The following TFEC variants were observed in gnomAD, a reference collection of about 807,000 sequenced individuals.
The protein encoded by TFEC is transcription factor EC.
Under a neutral mutation model 41.6 loss-of-function variants are expected in TFEC, and 31 were observed. The observed-to-expected ratio is 0.74, with a 90% CI of 0.56 to 1.01. The LOEUF (loss-of-function observed/expected upper bound fraction) is 1.01, where lower values mean the gene tolerates loss of function less well. TFEC is among the 50% of genes least tolerant of loss of function. The pLI, the probability that TFEC is intolerant of heterozygous loss-of-function variation, is 0.00. For synonymous variants in TFEC, 143 were observed against 140.6 expected (o/e 1.02, Z -0.12); for missense variants, 402 against 404.1 (o/e 0.99, Z 0.04).
At chr7:115,959,084 T>C (rs999859700) in intron 3 of TFEC, among the ~76,000 whole-genome samples, 1 of 151,832 alleles carries the variant, frequency 6.6e-6, no homozygotes, top group African/African-American at 2.4e-5. Context: ...AGTAGGCAAA[T>C]GAATACCTAT....
chr7:116,102,072 C>T lies in TFEC; in HGVS notation c.198+8636G>A, dbSNP rs118047761. ...TGTTTTCAAAGTTTAATAATCAACC[C>T]TTAATTATTAATATAGAAAAACAGG... is the stretch of plus-strand genomic sequence containing the variant. On this transcript the variant is annotated intron_variant, in intron 3 of 8. Coordinates refer to the TFEC transcript ENST00000484212. 5.5e-3 allele frequency among the ~76,000 whole-genome samples: 834 copies of T among 152,196 alleles called. 30 individuals carry two copies. Among genetic ancestry groups the T allele is most frequent in the Admixed American group, 0.038 (573 of 15,274 alleles).
At chr7:115,987,021 G>C (rs1485097898) in intron 1 of TFEC, among the ~76,000 whole-genome samples, 1 of 152,132 alleles carries the variant, frequency 6.6e-6, no homozygotes, top group African/African-American at 2.4e-5. Context: ...AGAAGTCACA[G>C]ATACTTTTCT....
At chr7:115,959,069 A>G (rs1435995039) in intron 3 of TFEC, among the ~76,000 whole-genome samples, 1 of 151,896 alleles carries the variant, frequency 6.6e-6, no homozygotes, top group Admixed American at 6.6e-5. Context: ...TTAATTTTGT[A>G]GATCAGTAGG....
chr7:116,131,976 C>T (rs1798341850), intron 1 of TFEC, among the ~76,000 whole-genome samples: 1 of 152,206 alleles, frequency 6.6e-6, no homozygotes, highest in Admixed American at 6.5e-5. Context: ...TGAAGTTTTA[C>T]TCTTGCTATA....
At chr7:116,099,608 C>T (rs1797557988) in intron 3 of TFEC, among the ~76,000 whole-genome samples, 1 of 152,178 alleles carries the variant, frequency 6.6e-6, no homozygotes, top group Non-Finnish European at 1.5e-5. Flanking sequence ...AGCCAACAGT[C>T]ATCAGTCAGT....
intron 1 of TFEC, among the ~76,000 whole-genome samples, chr7:116,010,195 A>G (rs539854310): frequency 2.0e-5 from 3 of 152,290 alleles, no homozygotes; most frequent in Middle Eastern, 3.4e-3. Flanking sequence ...AGCCCATGCA[A>G]TCCTTTAGCT....
intron 1 of TFEC, among the ~76,000 whole-genome samples, chr7:116,007,088 C>T (rs1174138955): frequency 6.6e-6 from 1 of 152,180 alleles, no homozygotes; most frequent in Non-Finnish European, 1.5e-5. Flanking sequence ...CGGGCCAATA[C>T]AATTACATAT....
chr7:115,961,260 C>G (rs1282673657), intron 3 of TFEC, among the ~76,000 whole-genome samples: 2 of 151,546 alleles, frequency 1.3e-5, no homozygotes, highest in African/African-American at 4.8e-5. Context: ...AAAAGAAACC[C>G]TCAACACATT....
intron 6 of TFEC, among the ~76,000 whole-genome samples, chr7:115,948,628 G>A (rs1284828637): frequency 7.2e-5 from 11 of 151,780 alleles, no homozygotes; most frequent in Non-Finnish European, 1.6e-4. Flanking sequence ...TGCAGAAAAG[G>A]CCTTTGACAA....
chr7:115,949,688 C>CA (rs1422676067), intron 6 of TFEC, among the ~76,000 whole-genome samples: 3 of 151,866 alleles, frequency 2.0e-5, no homozygotes, highest in African/African-American at 7.3e-5. Flanking sequence ...ACACCTTATA[C>CA]AAAAATCAAT....
chr7:115,997,324 T>C (rs564333318), intron 1 of TFEC, among the ~76,000 whole-genome samples: 1 of 152,198 alleles, frequency 6.6e-6, no homozygotes, highest in Non-Finnish European at 1.5e-5. Flanking sequence ...CTGGATCTTA[T>C]CTAAGACCGC....
intron 2 of TFEC, among the ~76,000 whole-genome samples, chr7:115,975,593 C>T (rs1389650200): frequency 6.6e-6 from 1 of 152,068 alleles, no homozygotes; most frequent in Non-Finnish European, 1.5e-5. Flanking sequence ...GCTACCATAG[C>T]CAACAGCAGG....
chr7:116,050,543 A>G (rs527531239), intron 3 of TFEC, among the ~76,000 whole-genome samples: 1 of 152,370 alleles, frequency 6.6e-6, no homozygotes, highest in South Asian at 2.1e-4. Context: ...GACACATCAA[A>G]AAGTGCTCAT....
intron 1 of TFEC, among the ~76,000 whole-genome samples, chr7:116,135,331 C>T (rs1051797691): frequency 5.3e-5 from 8 of 152,102 alleles, no homozygotes; most frequent in African/African-American, 1.7e-4. Flanking sequence ...AAAATGAGCA[C>T]GGTACAGCAT....
chr7:115,942,015 T>C lies in TFEC; in HGVS notation c.541A>G (p.Ile181Val). ...ATGTACTCCACTGATGCTTTTAGAA[T>C]GGTTCCTTTGTTCCAGCGCATATCA... ...DPDMRWNKGT[I>V]LKASVEYIKW... Residue 181 changes from isoleucine (I) to valine (V), a missense_variant, in exon 7 of 8, where the codon ATT becomes GTT. By Grantham distance (29) the Ile-to-Val change is conservative. Transcript: ENST00000265440. The C allele has an allele frequency of 6.2e-7, 1 of 1,612,864 alleles. No individual in the cohort carries two copies. The highest frequency in any genetic ancestry group is 8.5e-7 in the Non-Finnish European group (1 of 1,179,184).
Position 115,946,361 on chromosome 7 carries a change from T to C in TFEC, c.516-4321A>G, listed in dbSNP as rs1418344704. On this transcript the variant is annotated intron_variant, in intron 6 of 7. Coordinates refer to ENST00000265440, the MANE Select transcript of TFEC (RefSeq NM_012252.4). Reference sequence around the variant, plus strand: ...CCAAATAAATGAGCAAATTCGGATTTAGAGAAAAAGTGCTTTAAAATCTCA... The same window carrying C: ...CCAAATAAATGAGCAAATTCGGATTCAGAGAAAAAGTGCTTTAAAATCTCA... Among the ~76,000 whole-genome samples, 3 of 150,088 alleles carry C rather than the reference T, an allele frequency of 2.0e-5. No individual in the cohort carries two copies. The East Asian group carries it at 6.0e-4, about 30-fold the overall frequency.
At chr7:116,131,991 T>C (rs1276207133) in intron 1 of TFEC, among the ~76,000 whole-genome samples, 1 of 152,190 alleles carries the variant, frequency 6.6e-6, no homozygotes, top group Non-Finnish European at 1.5e-5. Flanking sequence ...GCTATAATCA[T>C]ATTAGGTCAT....
intron 2 of TFEC, among the ~76,000 whole-genome samples, chr7:115,980,115 A>G (rs930274495): frequency 5.3e-5 from 8 of 152,224 alleles, no homozygotes; most frequent in Admixed American, 3.9e-4. Flanking sequence ...CAATATGCTC[A>G]GAAGAAAAAT....
At chr7:116,073,238 A>G (rs1035319117) in intron 3 of TFEC, among the ~76,000 whole-genome samples, 4 of 151,782 alleles carry the variant, frequency 2.6e-5, no homozygotes, top group African/African-American at 9.7e-5. Context: ...TCCATTTACA[A>G]TGCATTAGGA....
Sources: gnomAD v4.1 joint callset for allele counts (sites outside exome capture counted in the v4.1 genomes callset) on GRCh38, gnomAD v4.1.1 for gene constraint, MANE v1.5 for transcripts, NCBI Gene and HGNC (gene_info 2026-07-23, HGNC 2026-07-21) for gene names.